Variants in LRRC8B observed in about 807,000 individuals in gnomAD.
LRRC8B encodes leucine rich repeat containing 8 VRAC subunit B.
Under a neutral mutation model 58.8 loss-of-function variants are expected in LRRC8B, and 23 were observed. The ratio of observed to expected loss-of-function variants is 0.39; its 90% CI spans 0.28 to 0.55. LRRC8B has a LOEUF of 0.55. LRRC8B is among the 20% of genes least tolerant of loss of function. LRRC8B has a pLI of 0.62. For synonymous variants in LRRC8B, 359 were observed against 374.1 expected, an observed-to-expected ratio of 0.96 and a Z score of 0.47; for missense variants, 694 against 936.0, an observed-to-expected ratio of 0.74 and a Z score of 3.37.
intron 1 of LRRC8B, among the ~76,000 whole-genome samples, chr1:89,550,602 A>G (rs1373490130): frequency 6.6e-6 from 1 of 152,210 alleles, no homozygotes; most frequent in Non-Finnish European, 1.5e-5. Flanking sequence ...CCTTGCTTTG[A>G]TATGAAAGGG....
chr1:89,584,725 CCTT>C lies in LRRC8B; in HGVS notation c.2077_2079del (p.Phe693del), dbSNP rs1172041756. 6.2e-7 allele frequency: 1 copy of C among 1,612,918 alleles called. No homozygotes were observed. The highest frequency in any genetic ancestry group is 1.3e-5 in the African/African-American group (1 of 74,882). On this transcript the variant is annotated inframe_deletion, in exon 5 of 6. Coordinates refer to ENST00000330947, the MANE Select transcript of LRRC8B (RefSeq NM_001369817.2). ...TTGGATCTAAGCTATAACCACTTGACCTTCATTCCAGAAGAAATCCAGTATCTG... is the reference window on the plus strand; with the variant it reads ...TTGGATCTAAGCTATAACCACTTGACCATTCCAGAAGAAATCCAGTATCTG...
rs746257169 is a variant in LRRC8B at position 89,582,906 on chromosome 1, C to G, written c.256C>G (p.Pro86Ala). The G allele has an allele frequency of 7.4e-6, 12 of 1,614,082 alleles. No homozygotes were observed. Among genetic ancestry groups the G allele is most frequent in the African/African-American group, 1.3e-5 (1 of 74,920 alleles). ...GAACACATCCTCTAATCCTGGGACACCGCTTCCGCTCCCCCTCCGAATTCA... is the reference window on the plus strand; with the variant it reads ...GAACACATCCTCTAATCCTGGGACAGCGCTTCCGCTCCCCCTCCGAATTCA... Reference protein sequence around the residue: ...SMNTSSNPGTPLPLPLRIQND... With the variant: ...SMNTSSNPGTALPLPLRIQND... The change falls in exon 5 of 6, where the codon CCG becomes GCG. Residue 86 changes from proline to alanine, a missense_variant. By Grantham distance (27) the Pro-to-Ala change is conservative (BLOSUM62 -1). Coordinates refer to ENST00000330947, the MANE Select transcript of LRRC8B (RefSeq NM_001369817.2).
At chr1:89,582,436 A>G (rs1483103871) in intron 4 of LRRC8B, among the ~76,000 whole-genome samples, 189 bp from the exon 5 acceptor site, 2 of 152,208 alleles carry the variant, frequency 1.3e-5, no homozygotes, top group Non-Finnish European at 2.9e-5. Flanking sequence ...ACTATGGTTC[A>G]GAGTTGGATG....
rs916275475 is a variant in LRRC8B at position 89,596,274 on chromosome 1, CAG to C, written c.*3233_*3234del. 2 of 152,062 alleles carry C rather than the reference CAG, an allele frequency of 1.3e-5. No homozygotes were observed. Among genetic ancestry groups the C allele is most frequent in the African/African-American group, 4.8e-5 (2 of 41,414 alleles). The allele number at this position is 152,062 out of a possible 1,614,324, so 9.4% of individuals were successfully genotyped here. ...CATCAGGGTACATCTGTGTGGCACA[CAG>C]ATACTATCTTTTCATTCTTCACTCC... is the stretch of plus-strand genomic sequence containing the variant. On this transcript the variant is annotated 3_prime_UTR_variant, in exon 6 of 6. Transcript: ENST00000330947.
intron 5 of LRRC8B, among the ~76,000 whole-genome samples, chr1:89,590,208 A>G (rs1654889462): frequency 6.6e-6 from 1 of 152,236 alleles, no homozygotes; most frequent in Non-Finnish European, 1.5e-5. Context: ...TAAATAAATT[A>G]GTTTTAAATA....
chr1:89,584,823 C>T, intron 5 of LRRC8B, 34 bp downstream of exon 5: 1 of 1,423,372 alleles, frequency 7.0e-7, no homozygotes, highest in South Asian at 1.3e-5. Flanking sequence ...TATTCAGTAT[C>T]TGCCGTACTT....
chr1:89,543,452 A>G (rs1570572381), intron 1 of LRRC8B, among the ~76,000 whole-genome samples: 1 of 152,100 alleles, frequency 6.6e-6, no homozygotes, highest in Non-Finnish European at 1.5e-5. Context: ...ACAATCTATT[A>G]TACAAGAAAA....
rs1193926862 is a variant in LRRC8B at position 89,568,327 on chromosome 1, T to C, written c.-180+20T>C. Reference sequence around the variant, plus strand: ...TTTTAAGTAAGTTATCTTTTGTATGTTTCATAAAATTATTACATATGTTGG... The same window carrying C: ...TTTTAAGTAAGTTATCTTTTGTATGCTTCATAAAATTATTACATATGTTGG... On this transcript the variant is annotated intron_variant, in intron 2 of 5. Transcript: ENST00000330947. The C allele has an allele frequency of 6.6e-6, 1 of 152,194 alleles. No individual in the cohort carries two copies. Among genetic ancestry groups the C allele is most frequent in the African/African-American group, 2.4e-5 (1 of 41,450 alleles). 9.4% of individuals were successfully genotyped at this position (152,194 alleles called of 1,614,324 possible).
At chr1:89,574,793 C>T (rs1238135597) in intron 3 of LRRC8B, among the ~76,000 whole-genome samples, 2 of 152,162 alleles carry the variant, frequency 1.3e-5, no homozygotes, top group Non-Finnish European at 2.9e-5. Context: ...GCAAAAGATA[C>T]TCAAAGAAAG....
At chr1:89,590,061 A>G (rs1654883258) in intron 5 of LRRC8B, among the ~76,000 whole-genome samples, 1 of 152,178 alleles carries the variant, frequency 6.6e-6, no homozygotes, top group Admixed American at 6.6e-5. Context: ...CCATAAAACT[A>G]TTTTATTGTT....
chr1:89,589,675 A>T (rs1284029682), intron 5 of LRRC8B, among the ~76,000 whole-genome samples: 1 of 151,342 alleles, frequency 6.6e-6, no homozygotes, highest in African/African-American at 2.4e-5. Context: ...TGGCATCACT[A>T]CTTAGAAACA....
intron 1 of LRRC8B, among the ~76,000 whole-genome samples, chr1:89,552,384 C>A (rs760446509): frequency 6.6e-6 from 1 of 152,026 alleles, no homozygotes; most frequent in African/African-American, 2.4e-5. Context: ...ACTTAGTATC[C>A]ATCTTAGCAG....
intron 1 of LRRC8B, among the ~76,000 whole-genome samples, chr1:89,552,819 G>C (rs1051165603): frequency 2.0e-5 from 3 of 152,152 alleles, no homozygotes; most frequent in Non-Finnish European, 2.9e-5. Context: ...TAGAAGACTG[G>C]GGACACTGCC....
chr1:89,571,602 G>A (rs1653480608), intron 3 of LRRC8B, among the ~76,000 whole-genome samples: 1 of 152,134 alleles, frequency 6.6e-6, no homozygotes, highest in Non-Finnish European at 1.5e-5. Context: ...GGCTGAGACT[G>A]TGGGGTTTTC....
At chr1:89,581,795 A>G (rs1440498526) in intron 4 of LRRC8B, among the ~76,000 whole-genome samples, 1 of 152,228 alleles carries the variant, frequency 6.6e-6, no homozygotes, top group Non-Finnish European at 1.5e-5. Context: ...ATTCTTTTTT[A>G]AGCCATAACT....
chr1:89,538,227 A>G (rs977896148), intron 1 of LRRC8B, among the ~76,000 whole-genome samples: 4 of 152,228 alleles, frequency 2.6e-5, no homozygotes, highest in African/African-American at 9.6e-5. Flanking sequence ...CAAATGTCCT[A>G]GAAAATTATG....
intron 1 of LRRC8B, among the ~76,000 whole-genome samples, chr1:89,545,554 A>C (rs1651338534): frequency 6.6e-6 from 1 of 152,218 alleles, no homozygotes; most frequent in Non-Finnish European, 1.5e-5. Context: ...CCACATACAG[A>C]ATTTGGTTAA....
intron 1 of LRRC8B, among the ~76,000 whole-genome samples, chr1:89,546,891 A>G (rs996095653): frequency 6.6e-6 from 1 of 152,254 alleles, no homozygotes; most frequent in Non-Finnish European, 1.5e-5. Flanking sequence ...TATATGATTC[A>G]GTAATGATTC....
chr1:89,587,689 A>G (rs1654723078), intron 5 of LRRC8B, among the ~76,000 whole-genome samples: 1 of 152,218 alleles, frequency 6.6e-6, no homozygotes, highest in Admixed American at 6.5e-5. Flanking sequence ...TGGGCAGCGT[A>G]TCAGGTTTAT....
Sources: gnomAD v4.1 joint callset for allele counts (sites outside exome capture counted in the v4.1 genomes callset) on GRCh38, gnomAD v4.1.1 for gene constraint, MANE v1.5 for transcripts, NCBI Gene and HGNC (gene_info 2026-07-23, HGNC 2026-07-21) for gene names.